ATXN10: variants seen among roughly 807,000 people sequenced by gnomAD.
The protein encoded by ATXN10 is ataxin 10, also known as ataxin-10.
ATXN10 carries 28 observed loss-of-function variants against 52.9 expected under a neutral mutation model. The ratio of observed to expected loss-of-function variants is 0.53; its 90% CI spans 0.39 to 0.73. The LOEUF is 0.73. Among genes scored for constraint, ATXN10 ranks in the 30% least tolerant of loss-of-function variants. The pLI, the probability that ATXN10 is intolerant of heterozygous loss-of-function variation, is 0.00. For missense variants in ATXN10, 565 were observed against 577.0 expected, an observed-to-expected ratio of 0.98 and a Z score of 0.21; for synonymous variants, 226 against 221.5, an observed-to-expected ratio of 1.02 and a Z score of -0.18.
chr22:45,689,673 CT>C (rs775320993), intron 1 of ATXN10, 38 bp from the exon 2 acceptor site: 19 of 1,576,728 alleles, frequency 1.2e-5, no homozygotes, highest in African/African-American at 4.0e-5. Flanking sequence ...AAATCATAAT[CT>C]TTTTTTTCTG....
intron 1 of ATXN10, chr22:45,680,222 T>C (rs1191560833): frequency 6.6e-6 from 1 of 152,224 alleles, no homozygotes; most frequent in Non-Finnish European, 1.5e-5. Flanking sequence ...CTTAGAACAG[T>C]GTCTGGCACC....
chr22:45,756,215 G>T (rs886842044), intron 9 of ATXN10, among the ~76,000 whole-genome samples: 1 of 152,082 alleles, frequency 6.6e-6, no homozygotes, highest in Non-Finnish European at 1.5e-5. Flanking sequence ...GTGTGAACGG[G>T]CTCACTGTAG....
chr22:45,709,788 T>A (rs979417803), intron 5 of ATXN10, among the ~76,000 whole-genome samples: 1 of 152,226 alleles, frequency 6.6e-6, no homozygotes, highest in African/African-American at 2.4e-5. Flanking sequence ...GTATGAAGGC[T>A]GCGTCCAAAC....
Position 45,766,912 on chromosome 22 carries a change from T to G in ATXN10, c.1173+26374T>G, listed in dbSNP as rs1315801348. ...GTGAAACAGTGCTCAACTTTGCTCATAAAAAGAAAAATGCACATTAAACTA... is the reference window on the plus strand; with the variant it reads ...GTGAAACAGTGCTCAACTTTGCTCAGAAAAAGAAAAATGCACATTAAACTA... On this transcript the variant is annotated intron_variant, in intron 9 of 11. Coordinates refer to ENST00000252934, the MANE Select transcript of ATXN10 (RefSeq NM_013236.4). This position sits in a 1 kb window ranked among gnomAD's most constrained non-coding sequence, Gnocchi z 4.6. 6.6e-6 allele frequency among the ~76,000 whole-genome samples: 1 copy of G among 152,184 alleles called. No individual in the cohort carries two copies. The highest frequency in any genetic ancestry group is 1.5e-5 in the Non-Finnish European group (1 of 68,024).
chr22:45,674,537 T>TC (rs1922604957), intron 1 of ATXN10: 1 of 152,224 alleles, frequency 6.6e-6, no homozygotes, highest in African/African-American at 2.4e-5. Flanking sequence ...TCTGAGAGGA[T>TC]CCCTCCAGTT....
At chr22:45,839,021 A>AT (rs1328080019) in intron 10 of ATXN10, among the ~76,000 whole-genome samples, 1 of 152,250 alleles carries the variant, frequency 6.6e-6, no homozygotes, top group Non-Finnish European at 1.5e-5. Flanking sequence ...AGAAGAATGC[A>AT]TAAGGGTTCT....
Position 45,738,837 on chromosome 22 carries a change from T to C in ATXN10, c.1001T>C (p.Ile334Thr). 1 of 1,611,402 alleles carries C rather than the reference T, an allele frequency of 6.2e-7. No individual in the cohort carries two copies. The highest frequency in any genetic ancestry group is 8.5e-7 in the Non-Finnish European group (1 of 1,177,512). ...TTCCCTGGCTTGCTGGAAAGAGTGA[T>C]TGGTGAGTGAAATATCACACATTGT... The part of the protein sequence containing the change: ...QVFPGLLERV[I>T]DLLRVIHVAG... The change falls in exon 8 of 12, where the codon ATT becomes ACT. Residue 334 changes from isoleucine to threonine, a missense_variant and splice_region_variant. By Grantham distance (89) the Ile-to-Thr change is moderately conservative. Coordinates refer to ENST00000252934, the MANE Select transcript of ATXN10 (RefSeq NM_013236.4).
At chr22:45,714,883 T>C (rs1362837305) in intron 5 of ATXN10, among the ~76,000 whole-genome samples, 1 of 152,228 alleles carries the variant, frequency 6.6e-6, no homozygotes, top group African/African-American at 2.4e-5. Context: ...GGTTGCAGTG[T>C]GGATTCACTC....
rs1214290671 is a variant in ATXN10 at position 45,805,244 on chromosome 22, A to C, written c.1174-1715A>C. The stretch of plus-strand genomic sequence containing the variant: ...AGATTGTGGAGATGCTGGAACCCTC[A>C]TAAATTGCTGGGTGAAAATGTAAAA... On this transcript the variant is annotated intron_variant, in intron 9 of 11. Transcript: ENST00000252934. This position sits in a 1 kb window ranked among gnomAD's most constrained non-coding sequence, Gnocchi z 4.4. 6.6e-6 allele frequency among the ~76,000 whole-genome samples: 1 copy of C among 152,350 alleles called. No homozygotes were observed. The highest frequency in any genetic ancestry group is 1.9e-4 in the East Asian group (1 of 5,196).
At chr22:45,771,177 A>G (rs1926763782) in intron 9 of ATXN10, among the ~76,000 whole-genome samples, 1 of 152,232 alleles carries the variant, frequency 6.6e-6, no homozygotes, top group South Asian at 2.1e-4. Flanking sequence ...TATGGTAGCC[A>G]AAAGCTGAAA....
chr22:45,768,308 C>T (rs1017695562), intron 9 of ATXN10, among the ~76,000 whole-genome samples: 3 of 151,942 alleles, frequency 2.0e-5, no homozygotes, highest in Non-Finnish European at 4.4e-5. Flanking sequence ...TTGCCAAAGT[C>T]CCCCTGCAGC....
chr22:45,810,977 T>A (rs1928262221), intron 10 of ATXN10, among the ~76,000 whole-genome samples: 1 of 152,216 alleles, frequency 6.6e-6, no homozygotes, highest in South Asian at 2.1e-4. Flanking sequence ...GAAAAGCATG[T>A]CTGTTTTCCA....
Position 45,696,252 on chromosome 22 carries a change from G to A in ATXN10, c.391+3174G>A, listed in dbSNP as rs1050847705. On this transcript the variant is annotated intron_variant, in intron 3 of 11. Coordinates refer to ENST00000252934, the MANE Select transcript of ATXN10 (RefSeq NM_013236.4). The surrounding 1 kb of genome is among the most constrained non-coding windows in gnomAD (Gnocchi z 4.7). ...GAATTATAAATTAGCAGTAAAGTCC[G>A]TGTTTCACAGTGTCACTTGGAAGGG... Among the ~76,000 whole-genome samples the A allele has an allele frequency of 2.6e-5, 4 of 152,232 alleles. No individual in the cohort carries two copies. Among genetic ancestry groups the A allele is most frequent in the African/African-American group, 7.2e-5 (3 of 41,524 alleles).
intron 10 of ATXN10, among the ~76,000 whole-genome samples, chr22:45,829,490 C>T (rs1232830238): frequency 6.6e-6 from 1 of 152,118 alleles, no homozygotes; most frequent in Non-Finnish European, 1.5e-5. Flanking sequence ...CCATCCCCCT[C>T]ATACACAAAA....
At chr22:45,675,714 C>A (rs1002987043) in intron 1 of ATXN10, 4 of 152,186 alleles carry the variant, frequency 2.6e-5, no homozygotes, top group Admixed American at 2.6e-4. Context: ...TGTGTGAGAT[C>A]ATAAATGTTA....
intron 9 of ATXN10, among the ~76,000 whole-genome samples, chr22:45,777,283 G>A (rs1926993646): frequency 1.3e-5 from 2 of 152,182 alleles, no homozygotes; most frequent in African/African-American, 4.8e-5. Flanking sequence ...TACCATAGCT[G>A]GAGTCGGGTG....
chr22:45,771,564 G>A (rs1353014974), intron 9 of ATXN10, among the ~76,000 whole-genome samples: 1 of 151,620 alleles, frequency 6.6e-6, no homozygotes, highest in Non-Finnish European at 1.5e-5. Context: ...TTACAGGCAC[G>A]CACCACCACA....
Sources: gnomAD v4.1 joint callset for allele counts (sites outside exome capture counted in the v4.1 genomes callset) on GRCh38, gnomAD v4.1.1 for gene constraint, Gnocchi (gnomAD v3.1) non-coding constraint, MANE v1.5 for transcripts, NCBI Gene and HGNC (gene_info 2026-07-23, HGNC 2026-07-21) for gene names.